ANK2: variants seen among roughly 807,000 people sequenced by gnomAD.
ANK2 encodes ankyrin 2.
ANK2 carries 83 observed loss-of-function variants against 360.5 expected under a neutral mutation model. That is an observed-to-expected ratio of 0.23 (90% CI 0.19 to 0.28). The LOEUF is 0.28. ANK2 is among the 10% of genes least tolerant of loss of function. The pLI is 1.00. For synonymous variants in ANK2, 1,740 were observed against 1,759.5 expected (o/e 0.99, Z 0.28); for missense variants, 4,201 against 4,795.7 (o/e 0.88, Z 3.66).
the ANK2 span, among the ~76,000 whole-genome samples, chr4:112,708,321 T>G: frequency 6.6e-6 from 1 of 152,222 alleles, no homozygotes; most frequent in Non-Finnish European, 1.5e-5. Context: ...ATTGTTTTAC[T>G]CTTTCTGAAC....
intron 14 of ANK2, among the ~76,000 whole-genome samples, chr4:113,268,484 T>C (rs2057149376): frequency 6.6e-6 from 1 of 152,124 alleles, no homozygotes; most frequent in South Asian, 2.1e-4. Context: ...TTATCAGTTT[T>C]TTCTACATCT....
the ANK2 span, among the ~76,000 whole-genome samples, chr4:112,799,253 G>C: frequency 6.6e-6 from 1 of 152,108 alleles, no homozygotes; most frequent in East Asian, 1.9e-4. Flanking sequence ...ATGGGCAAAT[G>C]GCTATTGTGA....
intron 2 of ANK2, among the ~76,000 whole-genome samples, chr4:112,957,888 G>A (rs1298573262): frequency 8.0e-5 from 12 of 150,652 alleles, no homozygotes; most frequent in East Asian, 4.0e-4. Flanking sequence ...CGGGGCAGCC[G>A]GGCAGAGATG....
intron 45 of ANK2, among the ~76,000 whole-genome samples, chr4:113,377,023 A>G (rs1436183308): frequency 6.6e-6 from 1 of 152,042 alleles, no homozygotes; most frequent in Non-Finnish European, 1.5e-5. Flanking sequence ...CTCCTTGATA[A>G]TTAACTGTTT....
At chr4:113,250,547 T>A (rs1363384558) in intron 10 of ANK2, among the ~76,000 whole-genome samples, 1 of 152,216 alleles carries the variant, frequency 6.6e-6, no homozygotes, top group South Asian at 2.1e-4. Flanking sequence ...TTATCAAATG[T>A]ATTTTAAATG....
Position 113,341,212 on chromosome 4 carries a change from G to A in ANK2, c.3894-476G>A, listed in dbSNP as rs150047753. ...AGTTCCATGGAAAAGAATAACGAGGGGAGGAAAAGCTGGGTAGATTTTGTT... is the reference window on the plus strand; with the variant it reads ...AGTTCCATGGAAAAGAATAACGAGGAGAGGAAAAGCTGGGTAGATTTTGTT... On this transcript the variant is annotated intron_variant, in intron 32 of 45. Coordinates refer to ENST00000357077, the MANE Select transcript of ANK2 (RefSeq NM_001148.6). 1.2e-4 allele frequency among the ~76,000 whole-genome samples: 19 copies of A among 152,256 alleles called. No homozygotes were observed. The East Asian group carries it at 3.7e-3, about 29-fold the overall frequency.
chr4:112,987,701 T>C (rs1051123585), intron 2 of ANK2, among the ~76,000 whole-genome samples: 10 of 152,104 alleles, frequency 6.6e-5, no homozygotes, highest in Non-Finnish European at 1.3e-4. Flanking sequence ...TAGAAACAAC[T>C]GTAACATATA....
chr4:112,831,901 G>T (rs985933638), intron 1 of ANK2, among the ~76,000 whole-genome samples: 3 of 152,050 alleles, frequency 2.0e-5, no homozygotes, highest in Admixed American at 2.0e-4. Context: ...CTTCACTCCT[G>T]AGGCCAGCGA....
intron 22 of ANK2, among the ~76,000 whole-genome samples, chr4:113,301,459 AC>A (rs1446201666): frequency 6.6e-6 from 1 of 152,038 alleles, no homozygotes; most frequent in Non-Finnish European, 1.5e-5. Context: ...TATTACCTCC[AC>A]ATACATATCC....
intron 9 of ANK2, among the ~76,000 whole-genome samples, chr4:113,247,137 TC>T (rs1445310867): frequency 1.3e-5 from 2 of 148,244 alleles, no homozygotes; most frequent in East Asian, 2.0e-4. Flanking sequence ...GTATAGTACA[TC>T]CGTGTGATGA....
chr4:113,049,629 C>T (rs2066013351), upstream of ANK2: 5 of 1,505,698 alleles, frequency 3.3e-6, no homozygotes, highest in Non-Finnish European at 4.5e-6. Context: ...CCCACCCCTC[C>T]TCCTCCTCCT....
At chr4:113,057,623 A>G (rs1000784185) in intron 1 of ANK2, among the ~76,000 whole-genome samples, 2 of 151,930 alleles carry the variant, frequency 1.3e-5, no homozygotes, top group African/African-American at 4.8e-5. Flanking sequence ...ATGTTTAATC[A>G]CTCATTTTAC....
chr4:113,304,867 G>A (rs2076494520), intron 23 of ANK2, among the ~76,000 whole-genome samples: 1 of 151,978 alleles, frequency 6.6e-6, no homozygotes, highest in Non-Finnish European at 1.5e-5. Context: ...GGTTTCCAAA[G>A]TACACGTGGT....
chr4:113,068,866 G>T (rs889854276), intron 1 of ANK2, among the ~76,000 whole-genome samples: 44 of 152,184 alleles, frequency 2.9e-4, no homozygotes, highest in African/African-American at 1.0e-3. Context: ...TTTGAGACAA[G>T]CCTGGGCAAC....
At chr4:113,042,333 A>G (rs1317407198) in intron 2 of ANK2, among the ~76,000 whole-genome samples, 1 of 152,044 alleles carries the variant, frequency 6.6e-6, no homozygotes, top group Non-Finnish European at 1.5e-5. Context: ...ATTACACCAC[A>G]AGCTTTCTTG....
chr4:113,253,995 C>G (rs1251493148), intron 10 of ANK2, among the ~76,000 whole-genome samples: 1 of 152,142 alleles, frequency 6.6e-6, no homozygotes, highest in Non-Finnish European at 1.5e-5. Context: ...ATCGATCATG[C>G]CCGTTATAAT....
At chr4:113,299,559 G>A (rs1041925294) in intron 22 of ANK2, among the ~76,000 whole-genome samples, 14 of 152,066 alleles carry the variant, frequency 9.2e-5, no homozygotes, top group Non-Finnish European at 7.4e-5. Context: ...ACACAAATGA[G>A]CCAGGCGTGC....
intron 1 of ANK2, among the ~76,000 whole-genome samples, chr4:112,820,226 G>C (rs1307593113): frequency 6.6e-6 from 1 of 152,186 alleles, no homozygotes; most frequent in Non-Finnish European, 1.5e-5. Context: ...GGCTAGCTAT[G>C]TTTAATGCAG....
chr4:112,951,901 C>A (rs2095042222), intron 2 of ANK2, among the ~76,000 whole-genome samples: 1 of 152,172 alleles, frequency 6.6e-6, no homozygotes, highest in Admixed American at 6.5e-5. Context: ...CTGTAGCAAA[C>A]CTGTGGCTGC....
Sources: gnomAD v4.1 joint callset for allele counts (sites outside exome capture counted in the v4.1 genomes callset) on GRCh38, gnomAD v4.1.1 for gene constraint, MANE v1.5 for transcripts, NCBI Gene and HGNC (gene_info 2026-07-23, HGNC 2026-07-21) for gene names.